Variants in CRISPLD2 observed in about 807,000 individuals in gnomAD.
The protein encoded by CRISPLD2 is cysteine rich secretory protein LCCL domain containing 2.
Under a neutral mutation model 71.1 loss-of-function variants are expected in CRISPLD2, and 47 were observed. The observed-to-expected ratio is 0.66, with a 90% CI of 0.52 to 0.84. The LOEUF (loss-of-function observed/expected upper bound fraction) is 0.84, where lower values mean the gene tolerates loss of function less well. CRISPLD2 is among the 40% of genes least tolerant of loss of function. CRISPLD2 has a pLI of 0.00. For missense variants in CRISPLD2, 830 were observed against 651.1 expected (o/e 1.27, Z -2.99); for synonymous variants, 317 against 250.1 (o/e 1.27, Z -2.52).
At chr16:84,844,218 G>A (rs997782115) in intron 2 of CRISPLD2, among the ~76,000 whole-genome samples, 8 of 152,202 alleles carry the variant, frequency 5.3e-5, no homozygotes, top group Non-Finnish European at 1.5e-5. Context: ...TGTGTTCCTG[G>A]GGCCAGCCTG....
rs879395585 is a variant in CRISPLD2, at chr16:84,852,391, C to T, written c.608+1708C>T. Among the ~76,000 whole-genome samples the T allele has an allele frequency of 3.9e-5, 6 of 152,314 alleles. No homozygotes were observed. The East Asian group carries it at 9.7e-4, about 25-fold the overall frequency. On this transcript the variant is annotated intron_variant, in intron 5 of 14. Coordinates refer to ENST00000262424, the MANE Select transcript of CRISPLD2 (RefSeq NM_031476.4). ...AGTGCCCACCATTCTAGCATCTTTC[C>T]CATCGGTCTGTGGTGTCTGGTGTGG...
chr16:84,906,207 T>C lies in CRISPLD2; in HGVS notation c.1440-381T>C, dbSNP rs190170470. Among the ~76,000 whole-genome samples the C allele has an allele frequency of 2.0e-5, 3 of 152,076 alleles. No homozygotes were observed. In the East Asian group the frequency reaches 5.8e-4, roughly 29 times the overall value. On this transcript the variant is annotated intron_variant, in intron 14 of 14. Transcript: ENST00000262424. ...GTGAAGCACCTGGCATATGCAGTAGTGCTGAGATAGCACCTGTTCATCTCT... is the reference window on the plus strand; with the variant it reads ...GTGAAGCACCTGGCATATGCAGTAGCGCTGAGATAGCACCTGTTCATCTCT...
At chr16:84,821,237 G>T (rs1020983304) in intron 1 of CRISPLD2, among the ~76,000 whole-genome samples, 6 of 152,200 alleles carry the variant, frequency 3.9e-5, no homozygotes, top group African/African-American at 1.2e-4. Flanking sequence ...GGACCGGGGC[G>T]TGGTCCTTTC....
intron 14 of CRISPLD2, among the ~76,000 whole-genome samples, chr16:84,899,639 G>A (rs1343848832): frequency 6.6e-6 from 1 of 152,194 alleles, no homozygotes; most frequent in Non-Finnish European, 1.5e-5. Context: ...TCTTTGATGT[G>A]TTAGGAAATA....
intron 3 of CRISPLD2, among the ~76,000 whole-genome samples, chr16:84,846,521 G>A (rs1042077875): frequency 1.4e-4 from 21 of 151,960 alleles, no homozygotes; most frequent in Admixed American, 2.6e-4. Flanking sequence ...CCTCAAGTGC[G>A]GGGATTACAG....
chr16:84,840,962 C>T (rs899732314), intron 2 of CRISPLD2, among the ~76,000 whole-genome samples: 5 of 152,162 alleles, frequency 3.3e-5, no homozygotes, highest in African/African-American at 4.8e-5. Flanking sequence ...CCCAGCACCC[C>T]GTGAGATTCT....
intron 11 of CRISPLD2, 54 bp from the exon 12 acceptor site, chr16:84,877,384 C>CTA (rs1293957115): frequency 9.0e-6 from 14 of 1,552,718 alleles, no homozygotes; most frequent in African/African-American, 1.4e-5. Context: ...GCCTGGTAGC[C>CTA]TGAGGCCCAG....
chr16:84,860,968 C>G (rs903058228), intron 6 of CRISPLD2, among the ~76,000 whole-genome samples: 3 of 152,152 alleles, frequency 2.0e-5, no homozygotes, highest in Non-Finnish European at 4.4e-5. Flanking sequence ...TCACTTTGTC[C>G]GGTGAACTTA....
chr16:84,880,030 C>T (rs1027672153), intron 12 of CRISPLD2, among the ~76,000 whole-genome samples: 4 of 152,178 alleles, frequency 2.6e-5, no homozygotes, highest in Non-Finnish European at 5.9e-5. Flanking sequence ...CCCTTCCACC[C>T]CAGGTTATCA....
At chr16:84,872,553 G>A (rs1234390494) in intron 9 of CRISPLD2, 45 bp downstream of exon 9, 1 of 1,506,110 alleles carries the variant, frequency 6.6e-7, no homozygotes, top group Non-Finnish European at 9.2e-7. Context: ...GTGGGATCCT[G>A]TTGCATATGT....
intron 6 of CRISPLD2, among the ~76,000 whole-genome samples, chr16:84,856,767 C>G (rs1567689756): frequency 1.3e-5 from 2 of 152,304 alleles, no homozygotes; most frequent in Middle Eastern, 3.4e-3. Flanking sequence ...TTCTATCAAT[C>G]CAGCTGCTTC....
chr16:84,856,496 T>C (rs915624376), intron 6 of CRISPLD2, among the ~76,000 whole-genome samples: 57 of 152,280 alleles, frequency 3.7e-4, no homozygotes, highest in African/African-American at 1.4e-3. Context: ...CTAAGACCTC[T>C]AGGCCAGCAG....
chr16:84,906,099 T>C (rs1023778448), intron 14 of CRISPLD2, among the ~76,000 whole-genome samples: 6 of 152,092 alleles, frequency 3.9e-5, no homozygotes, highest in African/African-American at 1.4e-4. Flanking sequence ...GGACCCTGGG[T>C]AAATCTCTTT....
chr16:84,872,554 T>C, intron 9 of CRISPLD2, 46 bp downstream of exon 9: 2 of 1,499,096 alleles, frequency 1.3e-6, no homozygotes, highest in Non-Finnish European at 1.8e-6. Context: ...TGGGATCCTG[T>C]TGCATATGTT....
intron 1 of CRISPLD2, among the ~76,000 whole-genome samples, chr16:84,834,586 G>C (rs893252148): frequency 1.3e-5 from 2 of 152,188 alleles, no homozygotes; most frequent in Non-Finnish European, 2.9e-5. Context: ...CTTTACAATA[G>C]CCAGGGGCAT....
chr16:84,852,067 G>C (rs577897803), intron 5 of CRISPLD2, among the ~76,000 whole-genome samples: 21 of 152,318 alleles, frequency 1.4e-4, no homozygotes, highest in Admixed American at 2.0e-4. Context: ...GCAGCATCGG[G>C]CTCCAGTGGG....
At chr16:84,863,902 A>G (rs990981378) in intron 6 of CRISPLD2, among the ~76,000 whole-genome samples, 1 of 147,724 alleles carries the variant, frequency 6.8e-6, no homozygotes, top group African/African-American at 2.5e-5. Context: ...GGTTGCAGTG[A>G]GCCGAGATCA....
At chr16:84,828,800 T>A (rs758822051) in intron 1 of CRISPLD2, among the ~76,000 whole-genome samples, 1 of 152,234 alleles carries the variant, frequency 6.6e-6, no homozygotes, top group African/African-American at 2.4e-5. Context: ...ATTTTCTTTT[T>A]GTCCAGAATT....
rs1306698256 is a variant in CRISPLD2, at chr16:84,908,738, G to C, written c.*2096G>C. On this transcript the variant is annotated 3_prime_UTR_variant, in exon 15 of 15. Transcript: ENST00000262424. ...AAGTTTCACTCTGTTGCCCAAGGTA[G>C]AGTGCAGTGGCGTGATCTCTGCTCA... 7.4e-6 allele frequency: 1 copy of C among 135,994 alleles called. No individual in the cohort carries two copies. Among genetic ancestry groups the C allele is most frequent in the African/African-American group, 2.8e-5 (1 of 35,716 alleles). The allele number at this position is 135,994 out of a possible 1,614,324, so 8.4% of individuals were successfully genotyped here.
Sources: allele counts gnomAD v4.1 joint callset (sites outside exome capture counted in the v4.1 genomes callset), GRCh38; gene constraint gnomAD v4.1.1; transcripts MANE v1.5; gene names NCBI Gene and HGNC (gene_info 2026-07-23, HGNC 2026-07-21).